The following AP3B1 variants were observed in gnomAD, a reference collection of about 807,000 sequenced individuals.
AP3B1 encodes adaptor related protein complex 3 subunit beta 1.
Under a neutral mutation model 132.5 loss-of-function variants are expected in AP3B1, and 61 were observed. That is an observed-to-expected ratio of 0.46 (90% confidence interval 0.37 to 0.57). AP3B1 has a LOEUF of 0.57. Ranked by LOEUF, AP3B1 falls within the 20% of genes least tolerant of loss-of-function variation. AP3B1 has a pLI of 0.00. For synonymous variants in AP3B1, 388 were observed against 438.3 expected, an observed-to-expected ratio of 0.89 and a Z score of 1.43; for missense variants, 1,120 against 1,289.4, an observed-to-expected ratio of 0.87 and a Z score of 2.01.
At chr5:78,039,408 G>A in intron 22 of AP3B1, 134 bp from the exon 23 acceptor site, 1 of 720,890 alleles carries the variant, frequency 1.4e-6, no homozygotes, top group South Asian at 1.6e-5. Context: ...ACAAACATTA[G>A]TAGGATATCA....
At chr5:78,075,560 G>A (rs1016702097) in intron 22 of AP3B1, among the ~76,000 whole-genome samples, 4 of 152,168 alleles carry the variant, frequency 2.6e-5, no homozygotes, top group African/African-American at 7.2e-5. Context: ...GCAAAAATCC[G>A]TAAGACTACT....
chr5:78,076,427 G>A (rs1347831140), intron 22 of AP3B1, among the ~76,000 whole-genome samples: 1 of 152,168 alleles, frequency 6.6e-6, no homozygotes, highest in Non-Finnish European at 1.5e-5. Flanking sequence ...CTCTTGAGGG[G>A]CGACCTCTAA....
chr5:78,110,105 C>A, intron 20 of AP3B1, 102 bp downstream of exon 20: 1 of 1,087,122 alleles, frequency 9.2e-7, no homozygotes, highest in Non-Finnish European at 1.4e-6. Flanking sequence ...AAAGGCTTAT[C>A]TAGAAAAAAT....
At chr5:78,123,604 T>G (rs555815106) in intron 17 of AP3B1, among the ~76,000 whole-genome samples, 3 of 152,298 alleles carry the variant, frequency 2.0e-5, no homozygotes, top group East Asian at 3.9e-4. Flanking sequence ...AAAATGCTCG[T>G]CATCACTGAC....
intron 15 of AP3B1, among the ~76,000 whole-genome samples, chr5:78,134,020 G>A (rs960656871): frequency 1.3e-5 from 2 of 151,544 alleles, no homozygotes; most frequent in African/African-American, 4.8e-5. Flanking sequence ...GCATGGTGGC[G>A]GGCACCCGTA....
chr5:78,187,753 C>G (rs1744660230), intron 7 of AP3B1, among the ~76,000 whole-genome samples: 1 of 151,976 alleles, frequency 6.6e-6, no homozygotes, highest in African/African-American at 2.4e-5. Flanking sequence ...CATATGAAAC[C>G]AAAAGCAGCT....
At chr5:78,207,258 A>C (rs1232373978) in intron 7 of AP3B1, among the ~76,000 whole-genome samples, 1 of 21,020 alleles carries the variant, frequency 4.8e-5, no homozygotes, top group African/African-American at 1.7e-4. Context: ...ACTCAGTGTC[A>C]AAAAAAAAAA....
chr5:78,003,596 T>C (rs1408470147), intron 26 of AP3B1: 1 of 227,938 alleles, frequency 4.4e-6, no homozygotes, highest in Non-Finnish European at 7.3e-6. Context: ...AAATTAAATC[T>C]CTAATGTTAA....
intron 22 of AP3B1, among the ~76,000 whole-genome samples, chr5:78,077,492 A>G (rs1044741715): frequency 6.6e-5 from 10 of 152,216 alleles, no homozygotes; most frequent in African/African-American, 2.4e-4. Flanking sequence ...ACCGGCACAC[A>G]AAAAGATTGG....
At chr5:78,087,776 C>CTTT in intron 22 of AP3B1, 1 of 782,600 alleles carries the variant, frequency 1.3e-6, no homozygotes, top group Non-Finnish European at 1.6e-6. Context: ...ATCTCAACTG[C>CTTT]TTTCTTCTTA....
intron 3 of AP3B1, among the ~76,000 whole-genome samples, 155 bp downstream of exon 3, chr5:78,240,707 T>C (rs955050556): frequency 6.6e-6 from 1 of 152,198 alleles, no homozygotes; most frequent in Non-Finnish European, 1.5e-5. Flanking sequence ...TGCCTACTTT[T>C]TATTTGATCT....
intron 11 of AP3B1, among the ~76,000 whole-genome samples, chr5:78,166,461 A>C (rs1387243887): frequency 6.6e-6 from 1 of 152,104 alleles, no homozygotes; most frequent in East Asian, 1.9e-4. Flanking sequence ...AATTCTTTTG[A>C]TTTGTTCTCC....
intron 1 of AP3B1, among the ~76,000 whole-genome samples, chr5:78,283,046 T>G (rs578249382): frequency 6.6e-6 from 1 of 152,128 alleles, no homozygotes; most frequent in African/African-American, 2.4e-5. Flanking sequence ...TAAATGACTT[T>G]AATGGTGTTA....
At chr5:78,107,672 G>A (rs1389264910) in intron 20 of AP3B1, among the ~76,000 whole-genome samples, 1 of 152,132 alleles carries the variant, frequency 6.6e-6, no homozygotes, top group Non-Finnish European at 1.5e-5. Flanking sequence ...CACTGACCGT[G>A]GATGGCAGCT....
intron 7 of AP3B1, among the ~76,000 whole-genome samples, chr5:78,188,201 A>T (rs191170221): frequency 1.9e-4 from 29 of 152,356 alleles, no homozygotes; most frequent in Non-Finnish European, 1.8e-4. Flanking sequence ...AATTGCCAAA[A>T]GCAACTGCAA....
intron 24 of AP3B1, among the ~76,000 whole-genome samples, chr5:78,023,245 G>A (rs1462795376): frequency 3.9e-5 from 6 of 152,180 alleles, no homozygotes; most frequent in African/African-American, 1.4e-4. Context: ...CCCAGGAAGA[G>A]ATATTCAGCA....
intron 12 of AP3B1, among the ~76,000 whole-genome samples, chr5:78,163,316 T>C (rs1743464322): frequency 6.6e-6 from 1 of 151,860 alleles, no homozygotes; most frequent in African/African-American, 2.4e-5. Flanking sequence ...ACCAGCAGCA[T>C]CTGTGAATCT....
intron 1 of AP3B1, among the ~76,000 whole-genome samples, chr5:78,292,644 G>T (rs571431619): frequency 1.3e-5 from 2 of 152,140 alleles, no homozygotes; most frequent in South Asian, 4.1e-4. Context: ...TAGGAAAACT[G>T]AATGAGATAA....
chr5:78,118,296 G>A (rs894465126), intron 17 of AP3B1, among the ~76,000 whole-genome samples: 1 of 152,202 alleles, frequency 6.6e-6, no homozygotes, highest in Non-Finnish European at 1.5e-5. Flanking sequence ...TTCCATCTGA[G>A]GTACCACCAG....
Sources: allele counts gnomAD v4.1 joint callset (sites outside exome capture counted in the v4.1 genomes callset), GRCh38; gene constraint gnomAD v4.1.1; transcripts MANE v1.5; gene names NCBI Gene and HGNC (gene_info 2026-07-23, HGNC 2026-07-21).